TBC1D5: variants seen among roughly 807,000 people sequenced by gnomAD.
The protein encoded by TBC1D5 is TBC1 domain family, member 5.
A neutral mutation model predicts 100.3 loss-of-function variants in TBC1D5; 75 were observed. The ratio of observed to expected loss-of-function variants is 0.75; its 90% CI spans 0.62 to 0.91. The LOEUF (loss-of-function observed/expected upper bound fraction) is 0.91, where lower values mean the gene tolerates loss of function less well. Ranked by LOEUF, TBC1D5 falls within the 40% of genes least tolerant of loss-of-function variation. The pLI is 0.00. For missense variants in TBC1D5, 910 were observed against 942.4 expected, an observed-to-expected ratio of 0.97 and a Z score of 0.45; for synonymous variants, 323 against 325.6, an observed-to-expected ratio of 0.99 and a Z score of 0.09.
At chr3:17,582,003 AG>A (rs1276243392) in intron 2 of TBC1D5, among the ~76,000 whole-genome samples, 1 of 152,174 alleles carries the variant, frequency 6.6e-6, no homozygotes, top group African/African-American at 2.4e-5. Context: ...CTTATCGGTG[AG>A]GCTTTCCTTG....
At chr3:17,265,004 A>G (rs547584283) in intron 15 of TBC1D5, among the ~76,000 whole-genome samples, 2 of 152,314 alleles carry the variant, frequency 1.3e-5, no homozygotes, top group South Asian at 2.1e-4. Flanking sequence ...ATATTTTTTA[A>G]AGCAAAAACA....
chr3:17,498,089 G>T (rs1576368395), intron 3 of TBC1D5, among the ~76,000 whole-genome samples: 1 of 152,010 alleles, frequency 6.6e-6, no homozygotes, highest in South Asian at 2.1e-4. Flanking sequence ...TAATTTTTAT[G>T]ATTTATGATT....
chr3:17,471,445 T>C lies in TBC1D5; in HGVS notation c.97+37029A>G, dbSNP rs949356010. On this transcript the variant is annotated intron_variant, in intron 3 of 21. Transcript: ENST00000253692. ...ACAGATTTTAGAAAACAATCATAAG[T>C]ATAATTTTAAAAACCTGTGAAAGAA... 8.5e-5 allele frequency among the ~76,000 whole-genome samples: 13 copies of C among 152,274 alleles called. 1 individual carries two copies. The South Asian group carries it at 1.9e-3, about 22-fold the overall frequency.
intron 1 of TBC1D5, among the ~76,000 whole-genome samples, chr3:17,705,006 C>T (rs2073848694): frequency 8.7e-6 from 1 of 115,536 alleles, no homozygotes. Context: ...GGAGGGCTGA[C>T]CCCCCCACCT....
chr3:17,522,957 T>C (rs538234880), intron 2 of TBC1D5, among the ~76,000 whole-genome samples: 1 of 152,322 alleles, frequency 6.6e-6, no homozygotes, highest in African/African-American at 2.4e-5. Flanking sequence ...TGTGGAACGA[T>C]GATGCAGTTC....
chr3:17,465,905 C>A (rs189322322), intron 3 of TBC1D5, among the ~76,000 whole-genome samples: 1 of 152,302 alleles, frequency 6.6e-6, no homozygotes, highest in African/African-American at 2.4e-5. Context: ...TTCAGCAGGG[C>A]AATTCCTGGA....
chr3:17,608,153 G>T (rs1260233922), intron 2 of TBC1D5, among the ~76,000 whole-genome samples: 1 of 151,958 alleles, frequency 6.6e-6, no homozygotes. Context: ...GATACTAGGG[G>T]GGCTGAGGCA....
chr3:17,508,016 T>TA lies in TBC1D5; in HGVS notation c.97+457dup, dbSNP rs1263074562. ...AATATAACACAAATTTCAATTACTT[T>TA]AAAAAAAAAAAGAGGATGAACAAAT... On this transcript the variant is annotated intron_variant, in intron 3 of 21. Transcript: ENST00000253692. Among the ~76,000 whole-genome samples the TA allele has an allele frequency of 6.4e-3, 916 of 142,550 alleles. 4 individuals are homozygous for TA. Among genetic ancestry groups the TA allele is most frequent in the South Asian group, 0.019 (84 of 4,496 alleles). 93.5% of individuals were successfully genotyped at this position (142,550 alleles called of 152,430 possible).
At chr3:17,479,664 C>T (rs1231792206) in intron 3 of TBC1D5, among the ~76,000 whole-genome samples, 2 of 152,072 alleles carry the variant, frequency 1.3e-5, no homozygotes, top group Non-Finnish European at 2.9e-5. Flanking sequence ...GAGTGAGACC[C>T]CATCTCTACA....
At chr3:17,531,814 C>T (rs540708083) in intron 2 of TBC1D5, among the ~76,000 whole-genome samples, 64 of 152,330 alleles carry the variant, frequency 4.2e-4, no homozygotes, top group African/African-American at 1.4e-3. Flanking sequence ...CCCTTCCTTA[C>T]ACTTTATACA....
intron 3 of TBC1D5, among the ~76,000 whole-genome samples, chr3:17,485,943 T>C (rs1304386146): frequency 6.6e-6 from 1 of 152,116 alleles, no homozygotes; most frequent in African/African-American, 2.4e-5. Context: ...GTTGAACTAG[T>C]TTACCGTCCC....
At chr3:17,685,213 C>T (rs921156830) in intron 1 of TBC1D5, among the ~76,000 whole-genome samples, 7 of 151,396 alleles carry the variant, frequency 4.6e-5, no homozygotes, top group East Asian at 1.9e-4. Flanking sequence ...TAAAAAAAAT[C>T]CATGAGCATT....
At chr3:17,382,927 T>C (rs2093008134) in intron 9 of TBC1D5, among the ~76,000 whole-genome samples, 1 of 152,080 alleles carries the variant, frequency 6.6e-6, no homozygotes, top group Non-Finnish European at 1.5e-5. Flanking sequence ...GTTATAGCTT[T>C]TGGTTGCCCT....
intron 17 of TBC1D5, among the ~76,000 whole-genome samples, chr3:17,226,880 T>G (rs1371227127): frequency 6.6e-6 from 1 of 152,196 alleles, no homozygotes; most frequent in Non-Finnish European, 1.5e-5. Context: ...ATAGGCTCAT[T>G]CTTAAGCCAT....
intron 15 of TBC1D5, among the ~76,000 whole-genome samples, chr3:17,286,657 T>G (rs9851317): frequency 6.6e-6 from 1 of 152,366 alleles, no homozygotes; most frequent in East Asian, 1.9e-4. Context: ...GCATACATTT[T>G]CAAAAATTTC....
At chr3:17,455,372 A>G (rs1012889734) in intron 3 of TBC1D5, among the ~76,000 whole-genome samples, 4 of 146,174 alleles carry the variant, frequency 2.7e-5, no homozygotes. Context: ...GTGTATATAT[A>G]TGTATAAGCC....
chr3:17,528,704 T>TAC (rs1371847915), intron 2 of TBC1D5, among the ~76,000 whole-genome samples: 5 of 152,302 alleles, frequency 3.3e-5, no homozygotes, highest in Admixed American at 3.3e-4. Flanking sequence ...TCTTAATATA[T>TAC]ACTCTAGTAA....
At chr3:17,669,221 A>C (rs564964521) in intron 1 of TBC1D5, among the ~76,000 whole-genome samples, 1 of 152,226 alleles carries the variant, frequency 6.6e-6, no homozygotes, top group Non-Finnish European at 1.5e-5. Flanking sequence ...AAGAAGGACG[A>C]GTTTGCTTCC....
At chr3:17,454,441 A>G (rs887858945) in intron 3 of TBC1D5, among the ~76,000 whole-genome samples, 1 of 152,130 alleles carries the variant, frequency 6.6e-6, no homozygotes, top group African/African-American at 2.4e-5. Context: ...CAAAATCAAC[A>G]TATAAAAATC....
Sources: gnomAD v4.1 joint callset for allele counts (sites outside exome capture counted in the v4.1 genomes callset) on GRCh38, gnomAD v4.1.1 for gene constraint, MANE v1.5 for transcripts, NCBI Gene and HGNC (gene_info 2026-07-23, HGNC 2026-07-21) for gene names.